CRB1: variants seen among roughly 807,000 people sequenced by gnomAD.
CRB1 encodes the protein crumbs cell polarity complex component 1.
In CRB1, 83 loss-of-function variants were observed where a neutral mutation model predicts 120.0. The observed-to-expected ratio is 0.69, with a 90% CI of 0.58 to 0.83. CRB1 has a LOEUF of 0.83. CRB1 is among the 40% of genes least tolerant of loss of function. The pLI, the probability that CRB1 is intolerant of heterozygous loss-of-function variation, is 0.00. For missense variants in CRB1, 1,699 were observed against 1,687.6 expected (o/e 1.01, Z -0.12); for synonymous variants, 625 against 612.5 (o/e 1.02, Z -0.30).
At chr1:197,409,822 G>C (rs891058839) in intron 5 of CRB1, among the ~76,000 whole-genome samples, 5 of 151,988 alleles carry the variant, frequency 3.3e-5, no homozygotes, top group African/African-American at 9.7e-5. Context: ...TCGTTCTGTC[G>C]CGCAGGCTGG....
intron 5 of CRB1, among the ~76,000 whole-genome samples, chr1:197,371,852 A>C (rs1661387788): frequency 6.6e-6 from 1 of 152,102 alleles, no homozygotes; most frequent in African/African-American, 2.4e-5. Flanking sequence ...ACATTACTTC[A>C]TTCTTCAGAG....
intron 1 of CRB1, among the ~76,000 whole-genome samples, chr1:197,304,718 G>A (rs1657064925): frequency 1.3e-5 from 2 of 152,196 alleles, no homozygotes; most frequent in African/African-American, 2.4e-5. Flanking sequence ...ACATCTACAG[G>A]CTTGCACAGT....
chr1:197,269,011 T>G (rs1654758060), intron 1 of CRB1, among the ~76,000 whole-genome samples: 2 of 152,192 alleles, frequency 1.3e-5, no homozygotes, highest in East Asian at 3.8e-4. Context: ...CTTTTACTGT[T>G]ATGTGTTTCT....
chr1:197,312,370 C>T (rs1657581865), intron 1 of CRB1, among the ~76,000 whole-genome samples: 1 of 152,096 alleles, frequency 6.6e-6, no homozygotes, highest in Admixed American at 6.6e-5. Context: ...TAGAGATAAG[C>T]CTGGCCAACA....
At chr1:197,410,746 G>C (rs979452355) in intron 5 of CRB1, among the ~76,000 whole-genome samples, 9 of 152,148 alleles carry the variant, frequency 5.9e-5, no homozygotes, top group Non-Finnish European at 1.2e-4. Context: ...AATTATGATA[G>C]AATCTTAGGA....
At chr1:197,435,939 A>G (rs1014395552) in intron 9 of CRB1, among the ~76,000 whole-genome samples, 1 of 152,168 alleles carries the variant, frequency 6.6e-6, no homozygotes, top group African/African-American at 2.4e-5. Context: ...ATAAATGCAA[A>G]AGCTGAAATG....
chr1:197,351,596 C>T (rs550416571), intron 4 of CRB1, among the ~76,000 whole-genome samples: 15 of 152,216 alleles, frequency 9.9e-5, no homozygotes, highest in Admixed American at 9.2e-4. Context: ...CAAAAGAGTT[C>T]CCTGGCTTCA....
chr1:197,431,864 A>G (rs1664885082), intron 8 of CRB1, among the ~76,000 whole-genome samples: 2 of 152,202 alleles, frequency 1.3e-5, no homozygotes, highest in Non-Finnish European at 2.9e-5. Context: ...ATTGACAGGT[A>G]TGAACCCAGA....
At chr1:197,467,699 A>G (rs770717647) in intron 11 of CRB1, among the ~76,000 whole-genome samples, 4 of 152,204 alleles carry the variant, frequency 2.6e-5, no homozygotes, top group East Asian at 1.9e-4. Flanking sequence ...TTCTAAAATT[A>G]TTTAGTATGG....
chr1:197,382,690 C>T (rs1417123871), intron 5 of CRB1, among the ~76,000 whole-genome samples: 1 of 152,124 alleles, frequency 6.6e-6, no homozygotes, highest in African/African-American at 2.4e-5. Context: ...AAATCAGACA[C>T]ATATAGGTAT....
intron 5 of CRB1, among the ~76,000 whole-genome samples, chr1:197,397,931 A>C (rs1662855561): frequency 1.3e-5 from 2 of 152,106 alleles, no homozygotes; most frequent in African/African-American, 4.8e-5. Context: ...GATGAATTAT[A>C]AGTGAATTAC....
chr1:197,345,038 G>C (rs1659687651), intron 3 of CRB1, among the ~76,000 whole-genome samples: 1 of 152,148 alleles, frequency 6.6e-6, no homozygotes, highest in Non-Finnish European at 1.5e-5. Flanking sequence ...AGGCAAAATA[G>C]AACAGCAATA....
chr1:197,427,469 G>A lies in CRB1; in HGVS notation c.2144G>A (p.Arg715Lys). The A allele has an allele frequency of 6.2e-7, 1 of 1,613,806 alleles. No homozygotes were observed. The highest frequency in any genetic ancestry group is 1.1e-5 in the South Asian group (1 of 91,050). The part of the protein sequence containing the change: ...PNCLREYVAG[R>K]FGQDDSTGYV... Reference sequence around the variant, plus strand: ...GACATTGAAGAGTATGTGGCAGGCAGATTTGGCCAGGATGACTCCACTGGT... The same window carrying A: ...GACATTGAAGAGTATGTGGCAGGCAAATTTGGCCAGGATGACTCCACTGGT... Residue 715 changes from arginine (R) to lysine (K), a missense_variant, in exon 7 of 12, where the codon AGA becomes AAA. By Grantham distance (26) the Arg-to-Lys change is conservative (BLOSUM62 2). Coordinates refer to ENST00000367400, the MANE Select transcript of CRB1 (RefSeq NM_201253.3).
chr1:197,270,015 T>C (rs1053001630), intron 1 of CRB1, among the ~76,000 whole-genome samples: 1 of 152,232 alleles, frequency 6.6e-6, no homozygotes, highest in Non-Finnish European at 1.5e-5. Context: ...TTGATATATT[T>C]ATTGGCAAGA....
Position 197,427,671 on chromosome 1 carries a change from A to T in CRB1, c.2346A>T (p.Leu782Phe). Residue 782 changes from leucine to phenylalanine, a missense_variant, in exon 7 of 12, where the codon TTA (leucine) becomes TTT (phenylalanine). Transcript: ENST00000367400. Reference protein sequence around the residue: ...LAMLTPNSPKLVVKFVLNDGN... With the variant: ...LAMLTPNSPKFVVKFVLNDGN... ...TGCTGACTCCAAACTCTCCCAAATTAGTAGTAAAATTTGTTCTTAATGATG... is the reference window on the plus strand; with the variant it reads ...TGCTGACTCCAAACTCTCCCAAATTTGTAGTAAAATTTGTTCTTAATGATG... The T allele has an allele frequency of 1.2e-5, 20 of 1,613,886 alleles. No individual in the cohort carries two copies. The highest frequency in any genetic ancestry group is 1.7e-5 in the Non-Finnish European group (20 of 1,179,880).
chr1:197,471,647 G>A (rs926010913), intron 11 of CRB1, among the ~76,000 whole-genome samples: 2 of 152,160 alleles, frequency 1.3e-5, no homozygotes, highest in East Asian at 1.9e-4. Context: ...GACACTTCCC[G>A]AGTTCTCTCT....
At chr1:197,339,019 A>C (rs145088215) in intron 2 of CRB1, among the ~76,000 whole-genome samples, 3 of 152,344 alleles carry the variant, frequency 2.0e-5, no homozygotes, top group African/African-American at 7.2e-5. Context: ...TCAGAGATAG[A>C]ATCCTGGGCT....
intron 1 of CRB1, among the ~76,000 whole-genome samples, chr1:197,316,661 T>C (rs757221585): frequency 1.5e-4 from 23 of 152,180 alleles, no homozygotes; most frequent in Non-Finnish European, 2.2e-4. Context: ...TTGCACAAAA[T>C]AGTGCCAAAA....
intron 1 of CRB1, among the ~76,000 whole-genome samples, chr1:197,292,444 G>C (rs934713441): frequency 3.3e-5 from 5 of 152,044 alleles, no homozygotes; most frequent in Admixed American, 6.6e-5. Flanking sequence ...ATAAGTCCAG[G>C]ACTAGACAGA....
Sources: gnomAD v4.1 joint callset for allele counts (sites outside exome capture counted in the v4.1 genomes callset) on GRCh38, gnomAD v4.1.1 for gene constraint, MANE v1.5 for transcripts, NCBI Gene and HGNC (gene_info 2026-07-23, HGNC 2026-07-21) for gene names.